TMEM117: variants seen among roughly 807,000 people sequenced by gnomAD.
TMEM117 encodes transmembrane protein 117.
TMEM117 carries 27 observed loss-of-function variants against 52.4 expected under a neutral mutation model. That is an observed-to-expected ratio of 0.51 (90% confidence interval 0.38 to 0.71). TMEM117 has a LOEUF of 0.71. TMEM117 is among the 30% of genes least tolerant of loss of function. TMEM117 has a pLI of 0.00. For synonymous variants in TMEM117, 215 were observed against 206.3 expected (o/e 1.04, Z -0.36); for missense variants, 556 against 630.5 (o/e 0.88, Z 1.26).
rs201867442 is a variant in TMEM117 at position 43,926,777 on chromosome 12, AT to A, written c.278-17432del. On this transcript the variant is annotated intron_variant, in intron 2 of 7. Coordinates refer to ENST00000266534, the MANE Select transcript of TMEM117 (RefSeq NM_032256.3). ...TATCCATTTTTTATCTCTGCTATCT[AT>A]GTTTGTAGTTTTTCATTTCTAATAC... 6.2e-3 allele frequency among the ~76,000 whole-genome samples: 831 copies of A among 133,636 alleles called. 1 individual carries two copies. Among genetic ancestry groups the A allele is most frequent in the Middle Eastern group, 0.014 (3 of 214 alleles). The allele number at this position is 133,636 out of a possible 152,430, so 87.7% of individuals were successfully genotyped here. A position where few individuals can be genotyped will look rare whatever the true frequency, so the allele number is the denominator to read the frequency against.
chr12:43,844,379 C>T (rs1943164583), intron 1 of TMEM117, among the ~76,000 whole-genome samples: 1 of 152,202 alleles, frequency 6.6e-6, no homozygotes, highest in Non-Finnish European at 1.5e-5. Flanking sequence ...ATCCCATTGT[C>T]TCCCCATACT....
chr12:43,927,546 G>A (rs866780410), intron 2 of TMEM117, among the ~76,000 whole-genome samples: 9 of 150,984 alleles, frequency 6.0e-5, no homozygotes, highest in Middle Eastern at 6.9e-3. Flanking sequence ...TAGTTTATCT[G>A]ATTTTGTTTT....
intron 3 of TMEM117, among the ~76,000 whole-genome samples, chr12:44,046,019 A>T (rs138042704): frequency 6.6e-6 from 1 of 152,200 alleles, no homozygotes; most frequent in Non-Finnish European, 1.5e-5. Context: ...GGTTGGGGCA[A>T]AGTTCTCCAG....
At chr12:43,824,263 G>C in the TMEM117 span, among the ~76,000 whole-genome samples, 1 of 152,228 alleles carries the variant, frequency 6.6e-6, no homozygotes. Context: ...CTGAAGAAGA[G>C]TGATTTCACT....
intron 7 of TMEM117, among the ~76,000 whole-genome samples, chr12:44,380,528 G>A (rs571045828): frequency 2.0e-5 from 3 of 152,194 alleles, no homozygotes; most frequent in Non-Finnish European, 2.9e-5. Flanking sequence ...GAGCAAAGAG[G>A]TTGGATACAT....
Position 44,062,940 on chromosome 12 carries a change from G to A in TMEM117, c.411-80585G>A, listed in dbSNP as rs572100865. 3.3e-5 allele frequency among the ~76,000 whole-genome samples: 5 copies of A among 152,288 alleles called. No individual in the cohort carries two copies. The East Asian group carries it at 9.6e-4, about 29-fold the overall frequency. The stretch of plus-strand genomic sequence containing the variant: ...GGTCCAGTTTCTAAAATGACTTTAA[G>A]ATGTAAACCTAAAAATGTAATGTTA... On this transcript the variant is annotated intron_variant, in intron 3 of 7. Transcript: ENST00000266534.
At chr12:44,309,642 T>C (rs191272717) in intron 6 of TMEM117, among the ~76,000 whole-genome samples, 49 of 152,236 alleles carry the variant, frequency 3.2e-4, no homozygotes, top group African/African-American at 9.1e-4. Context: ...TTAGATGTAC[T>C]TTATTTCATT....
At chr12:44,264,467 AT>A (rs1303993625) in intron 5 of TMEM117, among the ~76,000 whole-genome samples, 6 of 152,102 alleles carry the variant, frequency 3.9e-5, no homozygotes, top group Non-Finnish European at 7.4e-5. Context: ...TGAGGTGGGT[AT>A]TTGTGAAGGA....
At chr12:43,901,292 G>A (rs992895563) in intron 2 of TMEM117, among the ~76,000 whole-genome samples, 18 of 151,754 alleles carry the variant, frequency 1.2e-4, no homozygotes, top group Non-Finnish European at 2.5e-4. Flanking sequence ...CATTTGCCCC[G>A]TTTTTTGTTT....
At chr12:44,200,446 T>A (rs944807719) in intron 4 of TMEM117, among the ~76,000 whole-genome samples, 1 of 152,190 alleles carries the variant, frequency 6.6e-6, no homozygotes, top group Non-Finnish European at 1.5e-5. Context: ...GTTATTTAGG[T>A]CATCTGATGG....
At chr12:44,343,926 A>G (rs1432565328) in intron 6 of TMEM117, among the ~76,000 whole-genome samples, 1 of 152,032 alleles carries the variant, frequency 6.6e-6, no homozygotes, top group Non-Finnish European at 1.5e-5. Context: ...GTGGACCATG[A>G]TGTTGAGTTT....
At chr12:43,958,868 G>A (rs1425423512) in intron 3 of TMEM117, among the ~76,000 whole-genome samples, 1 of 151,958 alleles carries the variant, frequency 6.6e-6, no homozygotes, top group Non-Finnish European at 1.5e-5. Flanking sequence ...GTGCAGTGGC[G>A]GGATCTCGGC....
rs542947235 is a variant in TMEM117, at chr12:43,865,383, G to A, written c.277+20455G>A. 5.9e-5 allele frequency among the ~76,000 whole-genome samples: 9 copies of A among 152,218 alleles called. No homozygotes were observed. In the South Asian group the frequency reaches 1.2e-3, roughly 21 times the overall value. ...ACATCCTTGGGCTATAGGAGTTGCC[G>A]CAGGATTGTGGGCAAAAACTAATGT... On this transcript the variant is annotated intron_variant, in intron 2 of 7. Transcript: ENST00000266534.
At chr12:43,873,452 G>A (rs1367940192) in intron 2 of TMEM117, among the ~76,000 whole-genome samples, 1 of 151,876 alleles carries the variant, frequency 6.6e-6, no homozygotes, top group Admixed American at 6.6e-5. Flanking sequence ...ACATTCAGAG[G>A]TTTAGTACCC....
intron 3 of TMEM117, among the ~76,000 whole-genome samples, chr12:44,104,415 T>G (rs1243699398): frequency 1.3e-5 from 2 of 151,398 alleles, no homozygotes; most frequent in African/African-American, 2.4e-5. Context: ...GTAATTAGGG[T>G]TTTTTTTCCT....
At chr12:43,923,799 T>C (rs922903398) in intron 2 of TMEM117, among the ~76,000 whole-genome samples, 4 of 152,166 alleles carry the variant, frequency 2.6e-5, no homozygotes, top group Non-Finnish European at 4.4e-5. Context: ...ATGGAAAGTA[T>C]TGAGTAATAT....
At chr12:44,220,595 C>T (rs1949775580) in intron 5 of TMEM117, among the ~76,000 whole-genome samples, 1 of 152,054 alleles carries the variant, frequency 6.6e-6, no homozygotes. Context: ...AAGCACACCC[C>T]CTACCCAGAT....
chr12:44,191,650 C>A (rs894534191), intron 4 of TMEM117, among the ~76,000 whole-genome samples: 10 of 151,958 alleles, frequency 6.6e-5, no homozygotes, highest in South Asian at 2.1e-4. Context: ...TAATAATGAC[C>A]ATACATATTG....
the TMEM117 span, chr12:43,806,039 G>A: frequency 6.6e-7 from 1 of 1,520,516 alleles, no homozygotes; most frequent in Non-Finnish European, 8.8e-7. Context: ...GGCTGGAGGA[G>A]GACGCAGGCC....
Sources: gnomAD v4.1 joint callset for allele counts (sites outside exome capture counted in the v4.1 genomes callset) on GRCh38, gnomAD v4.1.1 for gene constraint, MANE v1.5 for transcripts, NCBI Gene and HGNC (gene_info 2026-07-23, HGNC 2026-07-21) for gene names.